Variants in SHISA9 observed in about 807,000 individuals in gnomAD.
The protein encoded by SHISA9 is protein shisa-9.
A neutral mutation model predicts 38.0 loss-of-function variants in SHISA9; 13 were observed. The observed-to-expected ratio is 0.34, with a 90% CI of 0.22 to 0.54. The LOEUF is 0.54. Among genes scored for constraint, SHISA9 ranks in the 20% least tolerant of loss-of-function variants. The pLI, the probability that SHISA9 is intolerant of heterozygous loss-of-function variation, is 0.91. For missense variants in SHISA9, 538 were observed against 575.8 expected (o/e 0.93, Z 0.67); for synonymous variants, 275 against 242.0 (o/e 1.14, Z -1.27).
the SHISA9 span, among the ~76,000 whole-genome samples, chr16:13,526,603 C>G: frequency 6.6e-6 from 1 of 152,120 alleles, no homozygotes; most frequent in East Asian, 1.9e-4. Context: ...CCAGGCTGGT[C>G]TCGAACCCCT....
the SHISA9 span, among the ~76,000 whole-genome samples, chr16:13,346,052 A>G: frequency 6.6e-6 from 1 of 152,156 alleles, no homozygotes; most frequent in Non-Finnish European, 1.5e-5. Flanking sequence ...TTTTAGTGTA[A>G]CCATCACCCA....
At chr16:13,319,361 T>C in the SHISA9 span, among the ~76,000 whole-genome samples, 1 of 152,202 alleles carries the variant, frequency 6.6e-6, no homozygotes, top group Non-Finnish European at 1.5e-5. Context: ...AGAAATCATT[T>C]CGGCCTACCA....
At chr16:13,353,440 G>C in the SHISA9 span, among the ~76,000 whole-genome samples, 13 of 152,136 alleles carry the variant, frequency 8.5e-5, no homozygotes, top group Non-Finnish European at 1.9e-4. Flanking sequence ...GTGGCAGTTT[G>C]GGGATAGCAC....
intron 2 of SHISA9, among the ~76,000 whole-genome samples, chr16:13,091,293 C>T (rs569229073): frequency 3.3e-5 from 5 of 152,266 alleles, no homozygotes; most frequent in African/African-American, 1.2e-4. Context: ...TTGCTCTTCT[C>T]GACGAGTATC....
At chr16:13,387,969 C>T in the SHISA9 span, among the ~76,000 whole-genome samples, 7 of 152,218 alleles carry the variant, frequency 4.6e-5, no homozygotes, top group African/African-American at 9.6e-5. Context: ...CTCCACACTA[C>T]GAAATTTCAC....
chr16:13,262,678 G>GAGGAAGGAAGGA, the SHISA9 span, among the ~76,000 whole-genome samples: 45 of 55,898 alleles, frequency 8.1e-4, 2 homozygotes, highest in African/African-American at 3.2e-3. Flanking sequence ...GGAAGGGAGG[G>GAGGAAGGAAGGA]AGGAAGGAAG....
chr16:13,093,429 G>A (rs2073795188), intron 2 of SHISA9, among the ~76,000 whole-genome samples: 1 of 152,190 alleles, frequency 6.6e-6, no homozygotes, highest in African/African-American at 2.4e-5. Flanking sequence ...GGGATTAACT[G>A]CATAATGCAC....
chr16:13,372,042 G>C, the SHISA9 span, among the ~76,000 whole-genome samples: 1 of 152,216 alleles, frequency 6.6e-6, no homozygotes, highest in Non-Finnish European at 1.5e-5. Context: ...CAGGCATTTA[G>C]AACTCAAACA....
chr16:13,009,240 G>A (rs138885280), intron 2 of SHISA9, among the ~76,000 whole-genome samples: 8 of 152,254 alleles, frequency 5.3e-5, no homozygotes, highest in East Asian at 1.9e-4. Flanking sequence ...GCTGGGAGTC[G>A]TCGACTCCAG....
At chr16:13,076,488 C>T (rs1042786255) in intron 2 of SHISA9, among the ~76,000 whole-genome samples, 7 of 152,108 alleles carry the variant, frequency 4.6e-5, no homozygotes, top group African/African-American at 1.7e-4. Flanking sequence ...CCCTCCTTTC[C>T]CCCACCCTCT....
At chr16:13,306,624 A>G in the SHISA9 span, among the ~76,000 whole-genome samples, 26 of 152,208 alleles carry the variant, frequency 1.7e-4, no homozygotes, top group Non-Finnish European at 3.7e-4. Context: ...ATCCACTTCC[A>G]AGATGATTCA....
the SHISA9 span, among the ~76,000 whole-genome samples, chr16:13,362,536 G>T: frequency 6.6e-6 from 1 of 152,208 alleles, no homozygotes; most frequent in Non-Finnish European, 1.5e-5. Context: ...ATCTGAACTG[G>T]ACTTTGAAGG....
At chr16:13,147,377 A>G (rs1596681433) in intron 2 of SHISA9, among the ~76,000 whole-genome samples, 1 of 152,064 alleles carries the variant, frequency 6.6e-6, no homozygotes, top group East Asian at 1.9e-4. Context: ...TGACAGCAGG[A>G]ACTAGAAACT....
At chr16:13,246,155 T>C in the SHISA9 span, among the ~76,000 whole-genome samples, 1 of 152,182 alleles carries the variant, frequency 6.6e-6, no homozygotes, top group Non-Finnish European at 1.5e-5. Flanking sequence ...TTATCTTGAA[T>C]TGTAGCTCCC....
intron 2 of SHISA9, among the ~76,000 whole-genome samples, chr16:13,101,331 A>T (rs1303482087): frequency 6.6e-6 from 1 of 152,224 alleles, no homozygotes; most frequent in Admixed American, 6.5e-5. Flanking sequence ...GCTTTATTGT[A>T]TCGATTATGT....
chr16:13,207,517 C>T (rs1202267295), intron 3 of SHISA9, among the ~76,000 whole-genome samples: 3 of 152,010 alleles, frequency 2.0e-5, no homozygotes, highest in African/African-American at 7.3e-5. Context: ...TCTAATACCT[C>T]CTAGAAAACT....
chr16:13,550,022 C>A, the SHISA9 span, among the ~76,000 whole-genome samples: 271 of 133,302 alleles, frequency 2.0e-3, no homozygotes, highest in Middle Eastern at 3.8e-3. Context: ...GACTGTGTCT[C>A]AAAAAAAAAA....
the SHISA9 span, among the ~76,000 whole-genome samples, chr16:13,382,283 T>C: frequency 6.6e-6 from 1 of 151,870 alleles, no homozygotes; most frequent in East Asian, 1.9e-4. Context: ...ATCCCAGCAC[T>C]TTGGGAGGCT....
At chr16:13,149,798 GC>G (rs946264921) in intron 2 of SHISA9, among the ~76,000 whole-genome samples, 2 of 151,428 alleles carry the variant, frequency 1.3e-5, no homozygotes, top group African/African-American at 4.9e-5. Context: ...GGTGGTGGGT[GC>G]CGGCAATCAC....
Sources: gnomAD v4.1 joint callset for allele counts (sites outside exome capture counted in the v4.1 genomes callset) on GRCh38, gnomAD v4.1.1 for gene constraint, MANE v1.5 for transcripts, NCBI Gene and HGNC (gene_info 2026-07-23, HGNC 2026-07-21) for gene names.